The following TCF4 variants were observed in gnomAD, a reference collection of about 807,000 sequenced individuals.
The protein encoded by TCF4 is SL3-3 enhancer factor 2.
In TCF4, 3 loss-of-function variants were observed where a neutral mutation model predicts 82.1. The ratio of observed to expected loss-of-function variants is 0.04; its 90% CI spans 0.02 to 0.09. TCF4 has a LOEUF of 0.09. Among genes scored for constraint, TCF4 ranks in the 10% least tolerant of loss-of-function variants. TCF4 has a pLI of 1.00. For synonymous variants in TCF4, 276 were observed against 309.6 expected (o/e 0.89, Z 1.14); for missense variants, 518 against 852.7 (o/e 0.61, Z 4.89).
At chr18:55,368,111 C>T (rs1007644226) in intron 6 of TCF4, among the ~76,000 whole-genome samples, 6 of 152,182 alleles carry the variant, frequency 3.9e-5, no homozygotes, top group East Asian at 1.9e-4. Context: ...TTCAGCCGGG[C>T]GCGGTGGCTC....
intron 8 of TCF4, among the ~76,000 whole-genome samples, chr18:55,312,406 C>T (rs1268377635): frequency 1.3e-5 from 2 of 152,130 alleles, no homozygotes; most frequent in African/African-American, 4.8e-5. Flanking sequence ...TCTATTTGTC[C>T]TTTCTCATCT....
At chr18:55,283,506 G>A (rs760691025) in intron 8 of TCF4, among the ~76,000 whole-genome samples, 3 of 152,090 alleles carry the variant, frequency 2.0e-5, no homozygotes, top group South Asian at 2.1e-4. Flanking sequence ...AACCACTTTG[G>A]TGGCAAGAGT....
At chr18:55,478,022 A>G (rs1258644885) in intron 3 of TCF4, among the ~76,000 whole-genome samples, 4 of 152,178 alleles carry the variant, frequency 2.6e-5, no homozygotes, top group Non-Finnish European at 5.9e-5. Flanking sequence ...GGAATGGAAG[A>G]TATGTCATTA....
At position 55,275,703 on chromosome 18, in the gene TCF4, C is replaced by A. The variant is rs1010233657; in HGVS notation, c.705G>T (p.Gln235His). The change falls in exon 10 of 20, where the codon CAG (glutamine) becomes CAT (histidine). Residue 235 changes from glutamine (Q) to histidine (H), a missense_variant. This residue lies in a region of TCF4 where 211 missense variants were observed against 327.4 expected (regional missense o/e 0.64). Coordinates refer to ENST00000354452, the MANE Select transcript of TCF4 (RefSeq NM_001083962.2). Reference protein sequence around the residue: ...DPWSSSSGMNQPGYAGMLGNS... With the variant: ...DPWSSSSGMNHPGYAGMLGNS... ...TGCCCAACATTCCTGCATAGCCAGG[C>A]TGATTCATCCCACTGGAGGAGCTCC... The A allele has an allele frequency of 1.2e-6, 2 of 1,613,924 alleles. No individual in the cohort carries two copies. The highest frequency in any genetic ancestry group is 2.7e-5 in the African/African-American group (2 of 75,026).
chr18:55,470,162 T>G (rs2096142042), intron 3 of TCF4, among the ~76,000 whole-genome samples: 1 of 152,198 alleles, frequency 6.6e-6, no homozygotes, highest in African/African-American at 2.4e-5. Flanking sequence ...TTAAAGTAAA[T>G]GAATTAACTA....
chr18:55,300,952 A>G (rs1301466743), intron 8 of TCF4, among the ~76,000 whole-genome samples: 1 of 152,180 alleles, frequency 6.6e-6, no homozygotes, highest in Non-Finnish European at 1.5e-5. Flanking sequence ...GTCATCGATC[A>G]TGGGGGAAAA....
At chr18:55,531,277 C>A (rs1191399981) in intron 3 of TCF4, among the ~76,000 whole-genome samples, 1 of 152,072 alleles carries the variant, frequency 6.6e-6, no homozygotes, top group Non-Finnish European at 1.5e-5. Flanking sequence ...TCTATACCAT[C>A]TCTCGTAACA....
intron 3 of TCF4, among the ~76,000 whole-genome samples, chr18:55,500,056 G>A (rs767396393): frequency 2.0e-5 from 3 of 152,056 alleles, no homozygotes; most frequent in Non-Finnish European, 4.4e-5. Flanking sequence ...GGTGGTATAC[G>A]CCTGTAATCC....
intron 8 of TCF4, among the ~76,000 whole-genome samples, chr18:55,294,951 TC>T (rs1366499290): frequency 2.0e-5 from 3 of 152,128 alleles, no homozygotes; most frequent in Admixed American, 6.5e-5. Flanking sequence ...TTAATCTTCC[TC>T]CCAAAATTCG....
At chr18:55,421,008 G>A (rs2958167) in intron 5 of TCF4, among the ~76,000 whole-genome samples, 8,383 of 151,710 alleles carry the variant, frequency 0.055, 803 homozygotes, top group African/African-American at 0.19. Context: ...TTAACCTATC[G>A]TTTCAGATTG....
intron 5 of TCF4, among the ~76,000 whole-genome samples, chr18:55,407,847 C>G (rs1364913250): frequency 1.3e-5 from 2 of 151,976 alleles, no homozygotes; most frequent in Non-Finnish European, 2.9e-5. Context: ...TCCGATACAT[C>G]CATGGTATCC....
intron 3 of TCF4, among the ~76,000 whole-genome samples, chr18:55,513,841 C>A (rs866080436): frequency 1.1e-4 from 16 of 152,104 alleles, no homozygotes; most frequent in African/African-American, 3.1e-4. Flanking sequence ...ATCCCAAAAT[C>A]TTTTAGTTCT....
At chr18:55,297,534 G>A (rs1331368514) in intron 8 of TCF4, among the ~76,000 whole-genome samples, 1 of 152,084 alleles carries the variant, frequency 6.6e-6, no homozygotes, top group East Asian at 1.9e-4. Context: ...GAGAGGGTCT[G>A]GGTATTAAGA....
At chr18:55,527,328 G>A (rs1431870860) in intron 3 of TCF4, among the ~76,000 whole-genome samples, 2 of 152,214 alleles carry the variant, frequency 1.3e-5, no homozygotes, top group African/African-American at 4.8e-5. Flanking sequence ...GACTGTAACA[G>A]CTATCTGGAA....
At chr18:55,283,803 T>C (rs758705555) in intron 8 of TCF4, among the ~76,000 whole-genome samples, 1 of 152,218 alleles carries the variant, frequency 6.6e-6, no homozygotes, top group Non-Finnish European at 1.5e-5. Context: ...GAAACTAGAA[T>C]GGAACCTGGC....
chr18:55,635,712 CCT>C lies in TCF4; in HGVS notation c.184_185del (p.Arg62AlafsTer8). The C allele has an allele frequency of 6.5e-7, 1 of 1,549,560 alleles. No homozygotes were observed. The highest frequency in any genetic ancestry group is 8.7e-7 in the Non-Finnish European group (1 of 1,146,676). On this transcript the variant is annotated frameshift_variant, in exon 1 of 21. Coordinates refer to the TCF4 transcript ENST00000398339. LOFTEE classifies it high-confidence loss of function. ...AAATGCTGGTTCCTACCTCCAAGGG[CCT>C]CCTGGAGAAGCTCGAGTAGCAGTTC...
chr18:55,426,789 C>CTA (rs1488380333), intron 5 of TCF4, among the ~76,000 whole-genome samples: 8 of 152,010 alleles, frequency 5.3e-5, no homozygotes, highest in Non-Finnish European at 1.2e-4. Flanking sequence ...ATATGTACTT[C>CTA]TATATATATC....
intron 3 of TCF4, among the ~76,000 whole-genome samples, chr18:55,581,673 C>T (rs556960628): frequency 6.6e-6 from 1 of 151,922 alleles, no homozygotes; most frequent in African/African-American, 2.4e-5. Context: ...TCATACAAAA[C>T]TACCCACCGG....
At chr18:55,508,455 T>C (rs571015964) in intron 3 of TCF4, among the ~76,000 whole-genome samples, 1 of 152,324 alleles carries the variant, frequency 6.6e-6, no homozygotes, top group African/African-American at 2.4e-5. Flanking sequence ...ATATTTCTCC[T>C]CTCTAAATTT....
Sources: allele counts gnomAD v4.1 joint callset (sites outside exome capture counted in the v4.1 genomes callset), GRCh38; gene constraint gnomAD v4.1.1; regional missense constraint gnomAD v4.1.1; transcripts MANE v1.5; gene names NCBI Gene and HGNC (gene_info 2026-07-23, HGNC 2026-07-21).